Variants in AFAP1 observed in about 807,000 individuals in gnomAD.
AFAP1 encodes the protein actin filament-associated protein 1.
A neutral mutation model predicts 93.9 loss-of-function variants in AFAP1; 75 were observed. The ratio of observed to expected loss-of-function variants is 0.80; its 90% CI spans 0.66 to 0.97. The LOEUF is 0.97. Ranked by LOEUF, AFAP1 falls within the 50% of genes least tolerant of loss-of-function variation. AFAP1 has a pLI of 0.00. For synonymous variants in AFAP1, 517 were observed against 430.7 expected, an observed-to-expected ratio of 1.20 and a Z score of -2.48; for missense variants, 1,201 against 1,050.8, an observed-to-expected ratio of 1.14 and a Z score of -1.98.
intron 9 of AFAP1, among the ~76,000 whole-genome samples, chr4:7,800,926 G>A (rs1452522910): frequency 1.3e-5 from 2 of 152,336 alleles, no homozygotes; most frequent in Admixed American, 6.5e-5. Context: ...GATGCCTGGT[G>A]TTGATGTGGG....
At chr4:7,912,571 TTA>T (rs1237854453) in intron 1 of AFAP1, among the ~76,000 whole-genome samples, 2 of 152,248 alleles carry the variant, frequency 1.3e-5, no homozygotes, top group South Asian at 2.1e-4. Context: ...TTTCACTTGC[TTA>T]TATGTTATCT....
At chr4:7,833,003 C>T (rs1160605075) in intron 6 of AFAP1, among the ~76,000 whole-genome samples, 1 of 152,160 alleles carries the variant, frequency 6.6e-6, no homozygotes, top group East Asian at 1.9e-4. Context: ...AAAACCAACT[C>T]AAGATGGATG....
chr4:7,887,437 T>A (rs1718199871), intron 1 of AFAP1, among the ~76,000 whole-genome samples: 1 of 152,212 alleles, frequency 6.6e-6, no homozygotes, highest in Admixed American at 6.5e-5. Flanking sequence ...CCAACAATTT[T>A]ATGTCAAATT....
chr4:7,838,070 G>A (rs1226953121), intron 6 of AFAP1, among the ~76,000 whole-genome samples: 2 of 152,142 alleles, frequency 1.3e-5, no homozygotes, highest in East Asian at 3.8e-4. Flanking sequence ...TAAATATAGT[G>A]AGAAAGTCTA....
intron 1 of AFAP1, among the ~76,000 whole-genome samples, chr4:7,873,242 C>CAAAAAAAAAAAAA (rs1195209480): frequency 1.6e-5 from 1 of 64,128 alleles, no homozygotes; most frequent in African/African-American, 6.6e-5. Flanking sequence ...GACTCTGTCT[C>CAAAAAAAAAAAAA]AAAAAAAAAA....
intron 4 of AFAP1, among the ~76,000 whole-genome samples, chr4:7,849,714 C>G (rs1714218616): frequency 6.6e-6 from 1 of 152,180 alleles, no homozygotes; most frequent in Non-Finnish European, 1.5e-5. Context: ...TCCAGCTGCC[C>G]CACACAACTC....
Position 7,772,995 on chromosome 4 carries a change from G to C in AFAP1, c.2078C>G (p.Ala693Gly). ...IEVNAGRKPQAILEEKLKQLE... is the reference protein window; with the variant it reads ...IEVNAGRKPQGILEEKLKQLE... ...CTGCTTCAGCTTCTCCTCCAGGATCGCCTGCGGCTTCCTGCCTGGAATTCC... is the reference window on the plus strand; with the variant it reads ...CTGCTTCAGCTTCTCCTCCAGGATCCCCTGCGGCTTCCTGCCTGGAATTCC... Residue 693 changes from alanine to glycine, a missense_variant, in exon 16 of 18, where the codon GCG becomes GGG. By Grantham distance (60) the Ala-to-Gly change is moderately conservative. Transcript: ENST00000420658. 6.2e-7 allele frequency: 1 copy of C among 1,610,120 alleles called. No individual in the cohort carries two copies. Among genetic ancestry groups the C allele is most frequent in the Non-Finnish European group, 8.5e-7 (1 of 1,179,886 alleles).
chr4:7,887,103 C>A (rs55937650), intron 1 of AFAP1, among the ~76,000 whole-genome samples: 6 of 151,922 alleles, frequency 3.9e-5, no homozygotes, highest in African/African-American at 1.2e-4. Context: ...TTTGTAAAGA[C>A]CCTTCCAGAG....
chr4:7,911,364 C>A (rs1211349160), intron 1 of AFAP1, among the ~76,000 whole-genome samples: 1 of 152,222 alleles, frequency 6.6e-6, no homozygotes, highest in Admixed American at 6.5e-5. Flanking sequence ...GTGAGCTGTA[C>A]TGACCCGGGC....
At chr4:7,838,750 C>A (rs753417699) in intron 5 of AFAP1, 47 bp from the exon 6 acceptor site, 1 of 1,591,314 alleles carries the variant, frequency 6.3e-7, no homozygotes, top group South Asian at 1.1e-5. Flanking sequence ...GGAGTTCGAA[C>A]AGAAACACTG....
chr4:7,920,822 T>G (rs914616933), intron 1 of AFAP1, among the ~76,000 whole-genome samples: 3 of 152,208 alleles, frequency 2.0e-5, no homozygotes, highest in African/African-American at 7.2e-5. Context: ...CTAAACTGTT[T>G]ACAGGTCTGT....
At chr4:7,783,176 G>A (rs938021336) in intron 12 of AFAP1, among the ~76,000 whole-genome samples, 1 of 151,864 alleles carries the variant, frequency 6.6e-6, no homozygotes, top group African/African-American at 2.4e-5. Context: ...GTCTTGCTCT[G>A]TTGCCCAGGC....
chr4:7,920,651 C>A (rs1200227014), intron 1 of AFAP1, among the ~76,000 whole-genome samples: 1 of 152,224 alleles, frequency 6.6e-6, no homozygotes, highest in Non-Finnish European at 1.5e-5. Context: ...GGGTTACTAA[C>A]AAAGCTACCA....
intron 6 of AFAP1, among the ~76,000 whole-genome samples, chr4:7,827,720 G>C (rs12511825): frequency 0.18 from 27,934 of 151,550 alleles, 2,758 homozygotes; most frequent in African/African-American, 0.26. Flanking sequence ...CCACACCACC[G>C]CACTGAGACA....
intron 13 of AFAP1, chr4:7,779,186 C>T: frequency 3.0e-6 from 1 of 335,974 alleles, no homozygotes; most frequent in East Asian, 7.3e-5. Flanking sequence ...AGCTGACTAC[C>T]CCAGAGCACT....
At chr4:7,867,048 A>G (rs562560170) in intron 3 of AFAP1, among the ~76,000 whole-genome samples, 1 of 133,822 alleles carries the variant, frequency 7.5e-6, no homozygotes, top group Non-Finnish European at 1.6e-5. Context: ...AGGAAAGAGG[A>G]AAGATGAAAG....
At chr4:7,844,168 T>C (rs113403953) in intron 4 of AFAP1, among the ~76,000 whole-genome samples, 3,136 of 131,018 alleles carry the variant, frequency 0.024, 109 homozygotes, top group African/African-American at 0.074. Flanking sequence ...AATTCAAGTG[T>C]TGAAGCTCTA....
intron 6 of AFAP1, among the ~76,000 whole-genome samples, chr4:7,825,624 T>C (rs933594463): frequency 2.0e-5 from 3 of 151,822 alleles, no homozygotes; most frequent in Non-Finnish European, 4.4e-5. Flanking sequence ...CTTCAATGCA[T>C]GCATAAGGAA....
chr4:7,916,907 C>G (rs1460502099), intron 1 of AFAP1, among the ~76,000 whole-genome samples: 1 of 152,142 alleles, frequency 6.6e-6, no homozygotes, highest in Non-Finnish European at 1.5e-5. Context: ...AGGAACAGCT[C>G]CCGGACTGTA....
Sources: gnomAD v4.1 joint callset for allele counts (sites outside exome capture counted in the v4.1 genomes callset) on GRCh38, gnomAD v4.1.1 for gene constraint, MANE v1.5 for transcripts, NCBI Gene and HGNC (gene_info 2026-07-23, HGNC 2026-07-21) for gene names.